Variants in AP1M2 observed in about 807,000 individuals in gnomAD.
AP1M2 encodes the protein AP-1 complex subunit mu-2.
Under a neutral mutation model 54.6 loss-of-function variants are expected in AP1M2, and 41 were observed. The observed-to-expected ratio is 0.75, with a 90% confidence interval of 0.59 to 0.97. AP1M2 has a LOEUF of 0.97. AP1M2 is among the 50% of genes least tolerant of loss of function. AP1M2 has a pLI of 0.00. For missense variants in AP1M2, 507 were observed against 561.2 expected, an observed-to-expected ratio of 0.90 and a Z score of 0.98; for synonymous variants, 219 against 215.9, an observed-to-expected ratio of 1.01 and a Z score of -0.13.
chr19:10,573,547 A>G (rs1917126095), intron 11 of AP1M2, among the ~76,000 whole-genome samples: 1 of 152,132 alleles, frequency 6.6e-6, no homozygotes, highest in South Asian at 2.1e-4. Context: ...TACTGTAACC[A>G]TAGAAACAAG....
chr19:10,584,217 A>ATC (rs1354626291), intron 1 of AP1M2, 147 bp from the exon 2 acceptor site: 4 of 1,058,602 alleles, frequency 3.8e-6, no homozygotes, highest in East Asian at 5.2e-5. Context: ...CTGCTCTGTA[A>ATC]AATGGGAGTG....
At position 10,574,963 on chromosome 19, in the gene AP1M2, C is replaced by T. The variant is rs968875193; in HGVS notation, c.1114G>A (p.Gly372Ser). 4 of 1,587,754 alleles carry T rather than the reference C, an allele frequency of 2.5e-6. No individual in the cohort carries two copies. The African/African-American group carries it at 4.1e-5, about 16-fold the overall frequency. ...AACTTGACCCCGATGGGGGGCCGGC[C>T]CTCCACCTCTTCCTTTTCCACACTG... ...LPSVEKEEVE[G>S]RPPIGVKFEI... Residue 372 changes from glycine (G) to serine (S), a missense_variant, in exon 10 of 12, where the codon GGC becomes AGC. Transcript: ENST00000250244.
chr19:10,577,486 T>G, intron 8 of AP1M2, 130 bp from the exon 9 acceptor site: 4 of 985,704 alleles, frequency 4.1e-6, no homozygotes, highest in South Asian at 3.6e-5. Flanking sequence ...CAGGCTGGAG[T>G]GCAGTGGCGC....
intron 8 of AP1M2, 124 bp from the exon 9 acceptor site, chr19:10,577,480 C>CTGGAG: frequency 9.4e-7 from 1 of 1,062,186 alleles, no homozygotes; most frequent in Non-Finnish European, 1.3e-6. Flanking sequence ...GTCGCCCAGG[C>CTGGAG]TGGAGTGCAG....
In AP1M2 at chr19:10,584,063, A is replaced by G. The variant is rs1330876719; in HGVS notation, c.50T>C (p.Ile17Thr). 3.1e-6 allele frequency: 5 copies of G among 1,609,620 alleles called. No homozygotes were observed. In the South Asian group the frequency reaches 5.6e-5, roughly 18 times the overall value. The change falls in exon 2 of 12, where the codon ATC (isoleucine) becomes ACC (threonine). Residue 17 changes from isoleucine (I) to threonine (T), a missense_variant. Physicochemically the swap from Ile to Thr is moderately conservative, Grantham distance 89 (BLOSUM62 -1). Coordinates refer to ENST00000250244, the MANE Select transcript of AP1M2 (RefSeq NM_005498.5). ...FILDVKGKPL[I>T]SRNYKGDVAM... ...CACATCGCCCTTGTAGTTGCGGCTG[A>G]TCAATGGCTGAGGGTGGAAGGAAAG...
At chr19:10,579,660 C>T (rs1051573089) in intron 7 of AP1M2, 56 bp downstream of exon 7, 10 of 1,552,908 alleles carry the variant, frequency 6.4e-6, no homozygotes, top group Admixed American at 3.8e-5. Context: ...GGCCCAGGGT[C>T]GCTCTTCAGC....
intron 9 of AP1M2, 142 bp from the exon 10 acceptor site, chr19:10,575,171 T>C (rs1423558263): frequency 1.3e-5 from 13 of 967,608 alleles, no homozygotes; most frequent in Non-Finnish European, 1.8e-5. Context: ...GGGCAACATA[T>C]TGAGATACCA....
Position 10,574,240 on chromosome 19 carries a change from G to A in AP1M2, c.1249+177C>T, listed in dbSNP as rs963056034. The A allele has an allele frequency of 1.5e-5, 8 of 530,878 alleles. No homozygotes were observed. The South Asian group carries it at 1.9e-4, about 12-fold the overall frequency. 32.9% of individuals were successfully genotyped at this position (530,878 alleles called of 1,614,324 possible). A position where few individuals can be genotyped will look rare whatever the true frequency, so the allele number is the denominator to read the frequency against. ...TCACCATGTTGGCCAGGTTGGTCTC[G>A]AACTCCCGGCCTCAAGAGATCCACC... On this transcript the variant is annotated intron_variant, in intron 11 of 11. Transcript: ENST00000250244.
chr19:10,586,010 G>A (rs192099647), intron 1 of AP1M2, among the ~76,000 whole-genome samples: 85 of 152,096 alleles, frequency 5.6e-4, no homozygotes, highest in African/African-American at 1.7e-3. Flanking sequence ...GCGGCCGGGC[G>A]CAGTGGCTCA....
chr19:10,578,861 C>G (rs1353991421), intron 8 of AP1M2, 31 bp downstream of exon 8: 5 of 1,581,592 alleles, frequency 3.2e-6, no homozygotes, highest in Non-Finnish European at 4.3e-6. Context: ...CGAGATCATG[C>G]ATTGTTAATA....
In AP1M2 at chr19:10,587,253, G is replaced by C. The variant is rs1369754917; in HGVS notation, c.-22C>G. On this transcript the variant is annotated 5_prime_UTR_variant, in exon 1 of 12. Transcript: ENST00000250244. ...ACATGGTGGCGGCCGAAGGACTTAG[G>C]AGTCGGGGAGGGAGCGCCGGGAGGC... The C allele has an allele frequency of 1.3e-6, 2 of 1,560,960 alleles. No individual in the cohort carries two copies. Among genetic ancestry groups the C allele is most frequent in the Non-Finnish European group, 1.7e-6 (2 of 1,152,780 alleles).
At chr19:10,583,073 A>G (rs1006061216) in intron 3 of AP1M2, among the ~76,000 whole-genome samples, 1 of 150,982 alleles carries the variant, frequency 6.6e-6, no homozygotes, top group African/African-American at 2.4e-5. Context: ...CAATCCGCCC[A>G]CCTTAGCCTC....
In AP1M2 at chr19:10,581,499, A is replaced by G. The variant is rs780534939; in HGVS notation, c.534T>C (p.Ser178=). The G allele has an allele frequency of 3.7e-6, 6 of 1,613,942 alleles. No homozygotes were observed. The stretch of plus-strand genomic sequence containing the variant: ...TGTGCAGGCTCACCAGCAGGTTGAC[A>G]GACTCTATGACATCAATGAAGACCT... ...KNEVFIDVIE[S]VNLLVNANGS... is the part of the protein sequence containing the mutation. Residue 178 remains serine (S), a synonymous_variant, in exon 5 of 12, where the codon TCT becomes TCC. Transcript: ENST00000250244.
chr19:10,585,827 T>C (rs1410989155), intron 1 of AP1M2, among the ~76,000 whole-genome samples: 1 of 152,024 alleles, frequency 6.6e-6, no homozygotes, highest in Non-Finnish European at 1.5e-5. Context: ...ACCACTCTTA[T>C]TTTGGCTATT....
rs1404732751 is a variant in AP1M2 at position 10,578,475 on chromosome 19, CTT to C, written c.888+415_888+416del. ...CCAGCCCGAGTGACAGAGGGAGACTCTTTCTCAAAAAACAAACGAACAAACAA... is the reference window on the plus strand; with the variant it reads ...CCAGCCCGAGTGACAGAGGGAGACTCTCTCAAAAAACAAACGAACAAACAA... On this transcript the variant is annotated intron_variant, in intron 8 of 11. Transcript: ENST00000250244. Among the ~76,000 whole-genome samples the C allele has an allele frequency of 2.1e-5, 3 of 146,232 alleles. No homozygotes were observed. In the Admixed American group the frequency reaches 2.2e-4, roughly 11 times the overall value.
chr19:10,581,648 G>T lies in AP1M2; in HGVS notation c.399-14C>A. On this transcript the variant is annotated splice_polypyrimidine_tract_variant and intron_variant, in intron 4 of 11. Coordinates refer to ENST00000250244, the MANE Select transcript of AP1M2 (RefSeq NM_005498.5). ...TGAGTGATGTACCTGGAGGGAGGGC[G>T]GCAGGGACAAGCAGCTGGACCCAGG... 1.2e-6 allele frequency: 2 copies of T among 1,613,582 alleles called. No homozygotes were observed. The highest frequency in any genetic ancestry group is 1.3e-5 in the African/African-American group (1 of 74,988).
intron 9 of AP1M2, among the ~76,000 whole-genome samples, chr19:10,575,282 T>C (rs1388850428): frequency 2.6e-5 from 4 of 151,952 alleles, no homozygotes; most frequent in African/African-American, 9.7e-5. Context: ...AGTCTGGGAG[T>C]TTGAGGCTGC....
Position 10,579,730 on chromosome 19 carries a change from G to T in AP1M2, c.802C>A (p.Arg268Ser), listed in dbSNP as rs1383931855. 1 of 1,613,292 alleles carries T rather than the reference G, an allele frequency of 6.2e-7. No individual in the cohort carries two copies. ...CCCTGCCTCACCTGGGTGCTGAGGC[G>T]GTATGACATGAGCTCAAAGTCACCA... ...PDGDFELMSY[R>S]LSTQVKPLIW... Residue 268 changes from arginine (R) to serine (S), a missense_variant, in exon 7 of 12, where the codon CGC becomes AGC. Physicochemically the swap from Arg to Ser is moderately radical, Grantham distance 110 (BLOSUM62 -1). Transcript: ENST00000250244.
intron 1 of AP1M2, among the ~76,000 whole-genome samples, chr19:10,584,642 G>A (rs989746884): frequency 5.5e-5 from 8 of 146,150 alleles, no homozygotes; most frequent in African/African-American, 2.0e-4. Flanking sequence ...AAGGGAAGGA[G>A]GGAGGGTAGG....
Sources: gnomAD v4.1 joint callset for allele counts (sites outside exome capture counted in the v4.1 genomes callset) on GRCh38, gnomAD v4.1.1 for gene constraint, MANE v1.5 for transcripts, NCBI Gene and HGNC (gene_info 2026-07-23, HGNC 2026-07-21) for gene names.